The following PTPRD variants were observed in gnomAD, a reference collection of about 807,000 sequenced individuals.
PTPRD encodes the protein protein tyrosine phosphatase receptor type D.
Under a neutral mutation model 214.5 loss-of-function variants are expected in PTPRD, and 34 were observed. The ratio of observed to expected loss-of-function variants is 0.16; its 90% CI spans 0.12 to 0.21. PTPRD has a LOEUF of 0.21. Ranked by LOEUF, PTPRD falls within the 10% of genes least tolerant of loss-of-function variation. The pLI, the probability that PTPRD is intolerant of heterozygous loss-of-function variation, is 1.00. For synonymous variants in PTPRD, 1,128 were observed against 845.7 expected (o/e 1.33, Z -5.79); for missense variants, 2,545 against 2,398.7 (o/e 1.06, Z -1.27).
At chr9:9,542,121 A>G (rs1047541395) in intron 8 of PTPRD, among the ~76,000 whole-genome samples, 1 of 151,690 alleles carries the variant, frequency 6.6e-6, no homozygotes, top group Non-Finnish European at 1.5e-5. Flanking sequence ...AAAAGGAGAT[A>G]CTTACAGAAA....
chr9:10,093,363 T>C (rs392288), intron 3 of PTPRD, among the ~76,000 whole-genome samples: 40,063 of 151,442 alleles, frequency 0.26, 5,715 homozygotes, highest in East Asian at 0.52. Context: ...TGATGAATTA[T>C]CAGAGAAATG....
intron 30 of PTPRD, among the ~76,000 whole-genome samples, chr9:8,478,532 A>AT (rs935546057): frequency 2.0e-5 from 3 of 152,140 alleles, no homozygotes; most frequent in Admixed American, 2.0e-4. Context: ...TGTGTTGTGC[A>AT]TTTTTTAAAT....
intron 14 of PTPRD, among the ~76,000 whole-genome samples, chr9:8,573,955 G>A (rs922042600): frequency 2.6e-5 from 4 of 151,954 alleles, no homozygotes; most frequent in African/African-American, 9.7e-5. Context: ...ATTTAGGGCT[G>A]ACTATGGTAA....
rs146174711 is a variant in PTPRD, at chr9:8,398,452, A to C, written c.4210+6085T>G. On this transcript the variant is annotated intron_variant, in intron 36 of 45. Transcript: ENST00000381196. The stretch of plus-strand genomic sequence containing the variant: ...CTTATTAAAGAGATGAAGTGAATAA[A>C]TATATTTATGTTTTGGAACTTTAAA... Among the ~76,000 whole-genome samples, 793 of 152,288 alleles carry C rather than the reference A, an allele frequency of 5.2e-3. 2 individuals are homozygous for C. Among genetic ancestry groups the C allele is most frequent in the Non-Finnish European group, 8.9e-3 (604 of 68,028 alleles).
intron 7 of PTPRD, among the ~76,000 whole-genome samples, chr9:9,587,378 C>G (rs2092163545): frequency 1.3e-5 from 2 of 151,978 alleles, no homozygotes; most frequent in Non-Finnish European, 2.9e-5. Flanking sequence ...ATTTTATAGA[C>G]AAATTAACTT....
chr9:10,301,427 T>C (rs1472619961), intron 3 of PTPRD, among the ~76,000 whole-genome samples: 1 of 152,170 alleles, frequency 6.6e-6, no homozygotes, highest in African/African-American at 2.4e-5. Context: ...ATTTGATGAA[T>C]TGACAGAAGT....
intron 9 of PTPRD, among the ~76,000 whole-genome samples, chr9:9,307,045 T>C (rs1182120038): frequency 6.6e-6 from 1 of 152,196 alleles, no homozygotes; most frequent in African/African-American, 2.4e-5. Context: ...CAATTACATG[T>C]GAATTAACCA....
chr9:9,780,977 T>C (rs1283875700), intron 5 of PTPRD, among the ~76,000 whole-genome samples: 2 of 152,146 alleles, frequency 1.3e-5, no homozygotes, highest in African/African-American at 2.4e-5. Flanking sequence ...CTTTCTGTAA[T>C]AAGCAAAGCT....
At chr9:10,025,256 A>C (rs1375575145) in intron 4 of PTPRD, among the ~76,000 whole-genome samples, 1 of 152,124 alleles carries the variant, frequency 6.6e-6, no homozygotes, top group Non-Finnish European at 1.5e-5. Flanking sequence ...AACAGTGTAA[A>C]AGTGTTCCTA....
chr9:8,416,042 G>C (rs2093909201), intron 35 of PTPRD, among the ~76,000 whole-genome samples: 2 of 150,856 alleles, frequency 1.3e-5, no homozygotes, highest in Admixed American at 1.3e-4. Flanking sequence ...TTAGACTTCA[G>C]ATACTAAACT....
At chr9:10,554,121 G>C (rs930880220) in intron 2 of PTPRD, among the ~76,000 whole-genome samples, 1 of 152,124 alleles carries the variant, frequency 6.6e-6, no homozygotes, top group Non-Finnish European at 1.5e-5. Context: ...TGGATTAAGA[G>C]CTTTTAATGA....
At chr9:9,326,639 T>C (rs1014750988) in intron 9 of PTPRD, among the ~76,000 whole-genome samples, 4 of 151,290 alleles carry the variant, frequency 2.6e-5, no homozygotes, top group African/African-American at 4.9e-5. Flanking sequence ...CATGAGAGCA[T>C]TGAAGATTTT....
chr9:10,347,829 A>G (rs1290118606), intron 2 of PTPRD, among the ~76,000 whole-genome samples: 1 of 152,024 alleles, frequency 6.6e-6, no homozygotes, highest in Non-Finnish European at 1.5e-5. Flanking sequence ...AGGCCGAGGC[A>G]GGAGGATCAT....
chr9:9,162,437 C>G (rs2099891658), intron 10 of PTPRD, among the ~76,000 whole-genome samples: 1 of 152,130 alleles, frequency 6.6e-6, no homozygotes, highest in South Asian at 2.1e-4. Context: ...AACTTTTGGA[C>G]TTCTCACTGC....
intron 7 of PTPRD, among the ~76,000 whole-genome samples, chr9:9,707,932 C>G (rs1354750859): frequency 6.6e-6 from 1 of 151,972 alleles, no homozygotes; most frequent in African/African-American, 2.4e-5. Context: ...TTTTACTTCT[C>G]ATAGACATAT....
intron 3 of PTPRD, among the ~76,000 whole-genome samples, chr9:10,065,466 G>C (rs1169925522): frequency 1.3e-5 from 2 of 150,898 alleles, no homozygotes; most frequent in African/African-American, 4.9e-5. Flanking sequence ...TTTTTTTCTT[G>C]GGAGAAGGCC....
Position 8,485,915 on chromosome 9 carries a change from T to C in PTPRD, c.2902A>G (p.Met968Val), listed in dbSNP as rs2135924572. 2 of 1,614,150 alleles carry C rather than the reference T, an allele frequency of 1.2e-6. No individual in the cohort carries two copies. The highest frequency in any genetic ancestry group is 1.7e-6 in the Non-Finnish European group (2 of 1,180,008). The part of the protein sequence containing the change: ...YRDINIPLLP[M>V]EQLIVPADTT... ...TCAGCTGGAACAATAAGCTGCTCCA[T>C]CGGGAGAAGGGGGATGTTGATATCC... Residue 968 changes from methionine to valine, a missense_variant, in exon 28 of 46, where the codon ATG becomes GTG. Transcript: ENST00000381196.
intron 5 of PTPRD, among the ~76,000 whole-genome samples, chr9:9,861,618 G>A (rs2153691869): frequency 6.6e-6 from 1 of 152,274 alleles, no homozygotes; most frequent in Non-Finnish European, 1.5e-5. Context: ...AAAACTCATG[G>A]AAAGAATATT....
intron 2 of PTPRD, among the ~76,000 whole-genome samples, chr9:10,464,388 A>AAG (rs900217191): frequency 5.4e-5 from 8 of 148,574 alleles, no homozygotes; most frequent in African/African-American, 2.0e-4. Context: ...GAAAGAGAGA[A>AAG]AGAGAGAGAG....
Sources: allele counts gnomAD v4.1 joint callset (sites outside exome capture counted in the v4.1 genomes callset), GRCh38; gene constraint gnomAD v4.1.1; transcripts MANE v1.5; gene names NCBI Gene and HGNC (gene_info 2026-07-23, HGNC 2026-07-21).